The following GPC3 variants were observed in gnomAD, a reference collection of about 807,000 sequenced individuals.
GPC3 encodes the protein glypican 3, also known as glypican-3.
Under a neutral mutation model 34.4 loss-of-function variants are expected in GPC3, and 3 were observed. The observed-to-expected ratio is 0.09, with a 90% CI of 0.04 to 0.23. The LOEUF is 0.23. Among genes scored for constraint, GPC3 ranks in the 10% least tolerant of loss-of-function variants. GPC3 has a pLI of 1.00. For synonymous variants in GPC3, 177 were observed against 174.0 expected, an observed-to-expected ratio of 1.02 and a Z score of -0.13; for missense variants, 351 against 445.6, an observed-to-expected ratio of 0.79 and a Z score of 1.91.
intron 7 of GPC3, among the ~76,000 whole-genome samples, chrX:133,573,154 AT>A (rs751052606): frequency 4.1e-4 from 46 of 111,894 alleles, no homozygotes; most frequent in Admixed American, 7.6e-4. Context: ...AGAAAAAAAA[AT>A]CCTACATGAT....
At chrX:133,544,795 T>C (rs996974424) in intron 7 of GPC3, among the ~76,000 whole-genome samples, 4 of 112,059 alleles carry the variant, frequency 3.6e-5, no homozygotes, top group Non-Finnish European at 7.5e-5. Context: ...GCCTCCAAAG[T>C]GCTAGGATTA....
chrX:133,605,608 G>T (rs1368557570), intron 6 of GPC3, among the ~76,000 whole-genome samples: 1 of 112,199 alleles, frequency 8.9e-6, no homozygotes, highest in Non-Finnish European at 1.9e-5. Context: ...TTAGCACATT[G>T]CCTGGAAAGG....
At chrX:133,891,825 G>C (rs1022410629) in intron 2 of GPC3, among the ~76,000 whole-genome samples, 29 of 105,915 alleles carry the variant, frequency 2.7e-4, no homozygotes, top group Non-Finnish European at 5.0e-4. Context: ...AAAATTCTGA[G>C]GCATGCTAAA....
intron 4 of GPC3, among the ~76,000 whole-genome samples, chrX:133,697,020 C>T (rs1316533551): frequency 8.9e-6 from 1 of 112,243 alleles, no homozygotes; most frequent in Non-Finnish European, 1.9e-5. Flanking sequence ...GGAGGGCTTC[C>T]ATCATCCTGA....
intron 2 of GPC3, among the ~76,000 whole-genome samples, chrX:133,761,408 T>C (rs1353045803): frequency 1.8e-5 from 2 of 112,349 alleles, no homozygotes; most frequent in Non-Finnish European, 3.8e-5. Context: ...TAAGTTGCTA[T>C]TAAATATAAG....
chrX:133,718,625 G>A (rs1216730749), intron 3 of GPC3, among the ~76,000 whole-genome samples: 1 of 110,774 alleles, frequency 9.0e-6, no homozygotes, highest in Non-Finnish European at 1.9e-5. Context: ...AAATACAAAT[G>A]GATTGAACAC....
intron 3 of GPC3, among the ~76,000 whole-genome samples, chrX:133,715,755 G>A (rs2071307485): frequency 9.0e-6 from 1 of 110,946 alleles, no homozygotes; most frequent in Non-Finnish European, 1.9e-5. Context: ...TCCAGGTAAT[G>A]AGATGTCCAT....
rs140064116 is a variant in GPC3 at position 133,794,868 on chromosome X, A to T, written c.338-40692T>A. On this transcript the variant is annotated intron_variant, in intron 2 of 7. Transcript: ENST00000370818. ...TATTAGTCACAGACCATGTTTTTGT[A>T]TTGGCTCCAATGGCACATTTTGTAT... is the stretch of plus-strand genomic sequence containing the variant. Among the ~76,000 whole-genome samples the T allele has an allele frequency of 9.3e-3, 1,046 of 112,362 alleles. 13 individuals carry two copies. Among genetic ancestry groups the T allele is most frequent in the African/African-American group, 0.032 (991 of 30,945 alleles).
At chrX:133,913,199 C>T (rs996800639) in intron 2 of GPC3, among the ~76,000 whole-genome samples, 13 of 112,040 alleles carry the variant, frequency 1.2e-4, no homozygotes, top group African/African-American at 4.2e-4. Flanking sequence ...GGGGAACAAT[C>T]ACATTTGCAT....
intron 2 of GPC3, among the ~76,000 whole-genome samples, chrX:133,802,756 C>T (rs1449133303): frequency 9.0e-6 from 1 of 111,133 alleles, no homozygotes; most frequent in African/African-American, 3.3e-5. Flanking sequence ...CCAAAGTCTT[C>T]CCAGTATTCC....
chrX:133,636,292 G>T (rs987260674), intron 6 of GPC3, among the ~76,000 whole-genome samples: 2 of 112,151 alleles, frequency 1.8e-5, no homozygotes, highest in African/African-American at 6.5e-5. Context: ...TAGCTGAAAG[G>T]ACAAGGGAAG....
intron 5 of GPC3, among the ~76,000 whole-genome samples, chrX:133,679,656 A>G (rs144115053): frequency 0.014 from 1,507 of 109,959 alleles, 25 homozygotes; most frequent in African/African-American, 0.046. Flanking sequence ...TTTTTATTTT[A>G]TTTTATTTTA....
intron 7 of GPC3, among the ~76,000 whole-genome samples, chrX:133,582,688 G>C (rs1465792964): frequency 9.0e-6 from 1 of 110,954 alleles, no homozygotes; most frequent in African/African-American, 3.3e-5. Flanking sequence ...CAAAGATATT[G>C]GTCCATGACA....
In GPC3 at chrX:133,753,648, A is replaced by G; in HGVS notation, c.866T>C (p.Val289Ala). The change falls in exon 3 of 8, where the codon GTG (valine) becomes GCG (alanine). Residue 289 changes from valine to alanine, a missense_variant. By Grantham distance (64) the Val-to-Ala change is moderately conservative. Coordinates refer to ENST00000370818, the MANE Select transcript of GPC3 (RefSeq NM_004484.4). ...NVVMQGCMAGVVEIDKYWREY... is the reference protein window; with the variant it reads ...NVVMQGCMAGAVEIDKYWREY... ...TCTCCAGTACTTGTCAATCTCCACC[A>G]CACCTGCCATACAGCCTTGCATGAC... 1 of 1,211,550 alleles carries G rather than the reference A, an allele frequency of 8.3e-7. No homozygotes were observed. The highest frequency in any genetic ancestry group is 1.1e-6 in the Non-Finnish European group (1 of 895,218).
intron 7 of GPC3, among the ~76,000 whole-genome samples, chrX:133,590,386 C>T (rs1442494786): frequency 1.8e-5 from 2 of 111,566 alleles, no homozygotes; most frequent in East Asian, 5.6e-4. Context: ...GTGCGAGGAA[C>T]AGGCGAAGAT....
chrX:133,544,958 T>A (rs978598183), intron 7 of GPC3, among the ~76,000 whole-genome samples: 6 of 111,561 alleles, frequency 5.4e-5, no homozygotes, highest in Non-Finnish European at 7.5e-5. Context: ...GCCCCAGCAT[T>A]CTCACCACCT....
intron 2 of GPC3, among the ~76,000 whole-genome samples, chrX:133,824,345 G>A (rs1435568739): frequency 9.0e-6 from 1 of 111,355 alleles, no homozygotes; most frequent in East Asian, 2.8e-4. Flanking sequence ...AAAATACAAA[G>A]ATATAGAAGG....
intron 2 of GPC3, among the ~76,000 whole-genome samples, chrX:133,902,651 A>T (rs1258269040): frequency 1.8e-5 from 2 of 111,746 alleles, no homozygotes; most frequent in Non-Finnish European, 3.8e-5. Flanking sequence ...TGAACCCAGG[A>T]GGCAGAGGTT....
At chrX:133,894,603 G>T (rs772903833) in intron 2 of GPC3, among the ~76,000 whole-genome samples, 1 of 111,919 alleles carries the variant, frequency 8.9e-6, no homozygotes, top group African/African-American at 3.2e-5. Flanking sequence ...ACTTTGGGAG[G>T]CCAAGGCAGG....
Sources: allele counts gnomAD v4.1 joint callset (sites outside exome capture counted in the v4.1 genomes callset), GRCh38; gene constraint gnomAD v4.1.1; transcripts MANE v1.5; gene names NCBI Gene and HGNC (gene_info 2026-07-23, HGNC 2026-07-21).